GML: variants seen among roughly 807,000 people sequenced by gnomAD.
GML encodes the protein glycosyl-phosphatidylinositol-anchored molecule-like protein.
In GML, 5 loss-of-function variants were observed where a neutral mutation model predicts 8.2. The observed-to-expected ratio is 0.61, with a 90% CI of 0.32 to 1.28. The LOEUF (loss-of-function observed/expected upper bound fraction) is 1.28, where lower values mean the gene tolerates loss of function less well. GML is among the 50% of genes most tolerant of loss of function. The pLI is 0.06. For missense variants in GML, 191 were observed against 198.3 expected, an observed-to-expected ratio of 0.96 and a Z score of 0.22; for synonymous variants, 72 against 69.0, an observed-to-expected ratio of 1.04 and a Z score of -0.22.
At chr8:142,835,008 C>T (rs1281475540) in intron 1 of GML, 140 bp downstream of exon 1, 1 of 152,200 alleles carries the variant, frequency 6.6e-6, no homozygotes. Flanking sequence ...GATGGGGTGC[C>T]CCCACTCCCC....
rs747330918 is a variant in GML, at chr8:142,846,418, GT to G, written c.208del (p.Tyr70IlefsTer58). 1.2e-6 allele frequency: 2 copies of G among 1,602,764 alleles called. No individual in the cohort carries two copies. Among genetic ancestry groups the G allele is most frequent in the South Asian group, 2.3e-5 (2 of 88,720 alleles). On this transcript the variant is annotated frameshift_variant, in exon 4 of 4. Transcript: ENST00000220940. LOFTEE classifies it low-confidence loss of function (END_TRUNC). The stretch of plus-strand genomic sequence containing the variant: ...AGGCATAAATTCTCGTGAACTACTT[GT>G]TTATAAGAACTGTACAAACAACTGC... ...SIRINSRELL[V>X]YKNCTNNCTF...
At chr8:142,836,568 A>G (rs1419007988) in intron 1 of GML, among the ~76,000 whole-genome samples, 1 of 152,162 alleles carries the variant, frequency 6.6e-6, no homozygotes, top group Non-Finnish European at 1.5e-5. Flanking sequence ...TGTTTTATTG[A>G]TTAGCAATAA....
At chr8:142,841,371 A>G in intron 3 of GML, 146 bp downstream of exon 3, 1 of 635,250 alleles carries the variant, frequency 1.6e-6, no homozygotes, top group African/African-American at 1.8e-5. Context: ...GCGTTTCTGC[A>G]CGCTTTGGTC....
chr8:142,839,398 A>G (rs1017841285), intron 1 of GML, among the ~76,000 whole-genome samples: 1 of 152,236 alleles, frequency 6.6e-6, no homozygotes, highest in East Asian at 1.9e-4. Flanking sequence ...AGGGTGGGGC[A>G]AAGTGGGTAC....
chr8:142,842,786 C>T (rs894936141), intron 3 of GML, among the ~76,000 whole-genome samples: 12 of 152,238 alleles, frequency 7.9e-5, no homozygotes, highest in Non-Finnish European at 1.8e-4. Context: ...GACTCCTCTG[C>T]ACAGCCTTAC....
At chr8:142,840,630 T>G (rs1816417149) in intron 2 of GML, 120 bp downstream of exon 2, 2 of 722,152 alleles carry the variant, frequency 2.8e-6, no homozygotes, top group African/African-American at 1.7e-5. Flanking sequence ...GCCTGCATTG[T>G]CTGTGTAATC....
At chr8:142,840,274 C>G (rs1180769811) in intron 1 of GML, 142 bp from the exon 2 acceptor site, 12 of 615,904 alleles carry the variant, frequency 1.9e-5, no homozygotes, top group Non-Finnish European at 3.5e-5. Context: ...CAGTGCCTTA[C>G]CCGAGGAGCT....
chr8:142,839,869 G>A (rs1410703873), intron 1 of GML, among the ~76,000 whole-genome samples: 2 of 152,190 alleles, frequency 1.3e-5, no homozygotes, highest in Admixed American at 6.5e-5. Context: ...CAGGGTGAAG[G>A]AAGACTTGAT....
At position 142,841,029 on chromosome 8, in the gene GML, T is replaced by C. The variant is rs756607705; in HGVS notation, c.74-89T>C. On this transcript the variant is annotated intron_variant, in intron 2 of 3. Transcript: ENST00000220940. ...GTCCTTGGAAGCAGAGGGGAAGGGC[T>C]GGCCGTTGAAGAAGGGTGGAGTGAG... 6 of 745,574 alleles carry C rather than the reference T, an allele frequency of 8.0e-6. No homozygotes were observed. The East Asian group carries it at 1.5e-4, about 19-fold the overall frequency. The allele number at this position is 745,574 out of a possible 1,614,324, so 46.2% of individuals were successfully genotyped here.
At chr8:142,836,488 CATT>C (rs1346771809) in intron 1 of GML, among the ~76,000 whole-genome samples, 1 of 152,148 alleles carries the variant, frequency 6.6e-6, no homozygotes, top group African/African-American at 2.4e-5. Context: ...TTAATGCTCT[CATT>C]AGAATTTTTA....
At chr8:142,837,262 C>G (rs1341174217) in intron 1 of GML, among the ~76,000 whole-genome samples, 1 of 152,180 alleles carries the variant, frequency 6.6e-6, no homozygotes, top group Non-Finnish European at 1.5e-5. Flanking sequence ...CCATTGCACT[C>G]CAACTCCAAC....
chr8:142,836,675 T>C (rs1480942772), intron 1 of GML, among the ~76,000 whole-genome samples: 1 of 152,236 alleles, frequency 6.6e-6, no homozygotes, highest in Admixed American at 6.5e-5. Context: ...TGTATGTTAC[T>C]ACTGGGGATG....
intron 3 of GML, among the ~76,000 whole-genome samples, chr8:142,842,063 C>A (rs978553111): frequency 6.6e-6 from 1 of 152,080 alleles, no homozygotes; most frequent in African/African-American, 2.4e-5. Flanking sequence ...ATGGGAGGGA[C>A]CTGGTGGGAG....
At chr8:142,844,070 A>T (rs1270746762) in intron 3 of GML, among the ~76,000 whole-genome samples, 2 of 67,414 alleles carry the variant, frequency 3.0e-5, no homozygotes, top group African/African-American at 1.2e-4. Flanking sequence ...TGTGCTCTGA[A>T]CTATCAAACC....
chr8:142,841,639 C>G (rs570755507), intron 3 of GML, among the ~76,000 whole-genome samples: 1 of 152,174 alleles, frequency 6.6e-6, no homozygotes, highest in Non-Finnish European at 1.5e-5. Context: ...GGACTCCCCC[C>G]AGGGAAAAAC....
chr8:142,841,321 A>G, intron 3 of GML, 96 bp downstream of exon 3: 1 of 727,654 alleles, frequency 1.4e-6, no homozygotes, highest in Non-Finnish European at 2.5e-6. Flanking sequence ...CTCTGCACCC[A>G]GCTCTGTTTC....
At chr8:142,836,078 G>C (rs946180499) in intron 1 of GML, among the ~76,000 whole-genome samples, 1 of 152,210 alleles carries the variant, frequency 6.6e-6, no homozygotes, top group African/African-American at 2.4e-5. Context: ...ACTGGTAATA[G>C]TAAGTAAACT....
At chr8:142,837,383 T>G (rs4736333) in intron 1 of GML, among the ~76,000 whole-genome samples, 22,974 of 150,558 alleles carry the variant, frequency 0.15, 2,117 homozygotes, top group East Asian at 0.48. Flanking sequence ...TAGTAGGATT[T>G]TGGGGAGCTG....
At chr8:142,837,662 C>T (rs1466787633) in intron 1 of GML, among the ~76,000 whole-genome samples, 2 of 145,506 alleles carry the variant, frequency 1.4e-5, no homozygotes, top group African/African-American at 2.6e-5. Context: ...ATCCTCAGCT[C>T]GGACAGGTTT....
Sources: allele counts gnomAD v4.1 joint callset (sites outside exome capture counted in the v4.1 genomes callset), GRCh38; gene constraint gnomAD v4.1.1; transcripts MANE v1.5; gene names NCBI Gene and HGNC (gene_info 2026-07-23, HGNC 2026-07-21).